Variants in PKNOX2 observed in about 807,000 individuals in gnomAD.
PKNOX2 encodes PBX/knotted 1 homeobox 2, also known as homeobox protein PKNOX2.
In PKNOX2, 14 loss-of-function variants were observed where a neutral mutation model predicts 53.1. The observed-to-expected ratio is 0.26, with a 90% CI of 0.17 to 0.41. The LOEUF is 0.41. Among genes scored for constraint, PKNOX2 ranks in the 10% least tolerant of loss-of-function variants. PKNOX2 has a pLI of 1.00. For missense variants in PKNOX2, 496 were observed against 602.8 expected (o/e 0.82, Z 1.85); for synonymous variants, 257 against 242.8 (o/e 1.06, Z -0.54).
chr11:125,307,266 T>C (rs1255412370), intron 2 of PKNOX2, among the ~76,000 whole-genome samples: 1 of 152,152 alleles, frequency 6.6e-6, no homozygotes, highest in African/African-American at 2.4e-5. Flanking sequence ...GACCAGAAGA[T>C]GGACAGGACT....
Position 125,189,447 on chromosome 11 carries a change from GTATATATATATATA to G in PKNOX2, c.-201+24702_-201+24715del, listed in dbSNP as rs58968290. On this transcript the variant is annotated intron_variant, in intron 1 of 12. Coordinates refer to ENST00000298282, the MANE Select transcript of PKNOX2 (RefSeq NM_001382323.2). ...TGTGTGTGTGTGTGTGTGTGTGTGTGTATATATATATATATATATATATATATATATATATATAT... is the reference window on the plus strand; with the variant it reads ...TGTGTGTGTGTGTGTGTGTGTGTGTGTATATATATATATATATATATATAT... Among the ~76,000 whole-genome samples, 228 of 23,452 alleles carry G rather than the reference GTATATATATATATA, an allele frequency of 9.7e-3. 2 individuals carry two copies. The highest frequency in any genetic ancestry group is 0.023 in the African/African-American group (149 of 6,370). 15.4% of individuals were successfully genotyped at this position (23,452 alleles called of 152,430 possible). A position where few individuals can be genotyped will look rare whatever the true frequency, so the allele number is the denominator to read the frequency against.
intron 10 of PKNOX2, among the ~76,000 whole-genome samples, chr11:125,427,753 G>A (rs1956500670): frequency 6.6e-6 from 1 of 152,054 alleles, no homozygotes; most frequent in Non-Finnish European, 1.5e-5. Flanking sequence ...ATGCTGGATG[G>A]CTTGATCTTC....
At chr11:125,400,345 C>T (rs1279338548) in intron 7 of PKNOX2, among the ~76,000 whole-genome samples, 1 of 152,200 alleles carries the variant, frequency 6.6e-6, no homozygotes, top group Non-Finnish European at 1.5e-5. Flanking sequence ...AGCTTCCTAA[C>T]CTGCTCTCCT....
chr11:125,221,370 G>A (rs1208402122), intron 1 of PKNOX2, among the ~76,000 whole-genome samples: 1 of 152,110 alleles, frequency 6.6e-6, no homozygotes, highest in East Asian at 1.9e-4. Flanking sequence ...GAAGTGTGTG[G>A]CATCCATGTG....
chr11:125,265,901 G>A lies in PKNOX2; in HGVS notation c.-130+30786G>A, dbSNP rs143568865. ...TCAGAGTAGTCACACCTCACATTCC[G>A]CAACCCTCAAACTTCCCAAAGGCCC... On this transcript the variant is annotated intron_variant, in intron 2 of 12. Coordinates refer to ENST00000298282, the MANE Select transcript of PKNOX2 (RefSeq NM_001382323.2). Among the ~76,000 whole-genome samples, 636 of 152,104 alleles carry A rather than the reference G, an allele frequency of 4.2e-3. 4 individuals carry two copies. The highest frequency in any genetic ancestry group is 0.014 in the African/African-American group (580 of 41,488).
chr11:125,282,511 T>C (rs935362071), intron 2 of PKNOX2, among the ~76,000 whole-genome samples: 9 of 152,194 alleles, frequency 5.9e-5, no homozygotes, highest in African/African-American at 1.7e-4. Context: ...GGGTTTCTGA[T>C]TCAATAGGTC....
intron 2 of PKNOX2, among the ~76,000 whole-genome samples, chr11:125,301,697 T>G (rs1207700451): frequency 6.6e-6 from 1 of 151,846 alleles, no homozygotes; most frequent in African/African-American, 2.4e-5. Context: ...AAATAAAAAA[T>G]AAAAAAGAAC....
At chr11:125,203,229 C>T (rs893974) in intron 1 of PKNOX2, among the ~76,000 whole-genome samples, 4 of 152,152 alleles carry the variant, frequency 2.6e-5, no homozygotes, top group East Asian at 1.9e-4. Flanking sequence ...GCAATCCTCC[C>T]GCCTCAGACT....
intron 3 of PKNOX2, among the ~76,000 whole-genome samples, chr11:125,346,934 G>A (rs956920648): frequency 9.2e-5 from 14 of 152,186 alleles, no homozygotes; most frequent in South Asian, 4.1e-4. Context: ...GATGAACGGG[G>A]CTCTGGGCCT....
intron 2 of PKNOX2, among the ~76,000 whole-genome samples, chr11:125,243,623 CT>C (rs1284507032): frequency 0.025 from 3,402 of 138,350 alleles, 106 homozygotes; most frequent in African/African-American, 0.075. Flanking sequence ...CTGGGACTTT[CT>C]TTTTTTTTTT....
intron 2 of PKNOX2, among the ~76,000 whole-genome samples, chr11:125,288,599 C>T (rs932753554): frequency 2.6e-5 from 4 of 152,200 alleles, no homozygotes; most frequent in Non-Finnish European, 5.9e-5. Context: ...TTATGTCTGC[C>T]TTTCCAATTT....
chr11:125,166,192 C>A lies in PKNOX2; in HGVS notation c.-201+1416C>A, dbSNP rs1954863742. Among the ~76,000 whole-genome samples the A allele has an allele frequency of 1.3e-5, 2 of 151,928 alleles. No individual in the cohort carries two copies. The highest frequency in any genetic ancestry group is 2.9e-5 in the Non-Finnish European group (2 of 67,998). ...AGTTGGGGGCTGGAGGAACGGGTGG[C>A]GTTTTTAGGATTCAGTAACAGGATC... On this transcript the variant is annotated intron_variant, in intron 1 of 12. Coordinates refer to ENST00000298282, the MANE Select transcript of PKNOX2 (RefSeq NM_001382323.2). The surrounding 1 kb of genome is among the most constrained non-coding windows in gnomAD (Gnocchi z 4.0).
chr11:125,297,633 T>G lies in PKNOX2; in HGVS notation c.-129-34186T>G, dbSNP rs1039558281. 2.6e-5 allele frequency among the ~76,000 whole-genome samples: 4 copies of G among 152,288 alleles called. No individual in the cohort carries two copies. In the East Asian group the frequency reaches 5.8e-4, roughly 22 times the overall value. On this transcript the variant is annotated intron_variant, in intron 2 of 12. Coordinates refer to ENST00000298282, the MANE Select transcript of PKNOX2 (RefSeq NM_001382323.2). ...ATGAAGACTAAGCTCTCGTACCTGG[T>G]GTATGGGTCCTCCACCTTCCTCACC...
chr11:125,213,733 C>T (rs898813363), intron 1 of PKNOX2, among the ~76,000 whole-genome samples: 21 of 152,154 alleles, frequency 1.4e-4, no homozygotes, highest in Admixed American at 9.8e-4. Context: ...GCTGGGATTA[C>T]AGGCGTGAGC....
chr11:125,200,577 A>C (rs1938320791), intron 1 of PKNOX2, among the ~76,000 whole-genome samples: 1 of 152,124 alleles, frequency 6.6e-6, no homozygotes, highest in Non-Finnish European at 1.5e-5. Context: ...GGCTCATTGC[A>C]GTGCCTCCCG....
chr11:125,265,132 C>CA (rs1945214476), intron 2 of PKNOX2, among the ~76,000 whole-genome samples: 1 of 151,962 alleles, frequency 6.6e-6, no homozygotes. Flanking sequence ...ACTAAAAATA[C>CA]AAAAATTAGC....
At chr11:125,207,243 C>G (rs1383797261) in intron 1 of PKNOX2, among the ~76,000 whole-genome samples, 1 of 152,060 alleles carries the variant, frequency 6.6e-6, no homozygotes, top group South Asian at 2.1e-4. Context: ...TTCCTTTCCT[C>G]CCTTCTTTGT....
intron 2 of PKNOX2, among the ~76,000 whole-genome samples, chr11:125,241,592 C>A (rs962935071): frequency 6.6e-6 from 1 of 152,224 alleles, no homozygotes; most frequent in Non-Finnish European, 1.5e-5. Context: ...CGCGGTGGCT[C>A]ACGCCTGTAA....
intron 8 of PKNOX2, 129 bp downstream of exon 8, chr11:125,410,454 A>G (rs1231567362): frequency 1.5e-6 from 2 of 1,303,838 alleles, no homozygotes. Flanking sequence ...TTTCTTGACT[A>G]AAGTTTTCTG....
Sources: allele counts gnomAD v4.1 joint callset (sites outside exome capture counted in the v4.1 genomes callset), GRCh38; gene constraint gnomAD v4.1.1; non-coding constraint Gnocchi (gnomAD v3.1); transcripts MANE v1.5; gene names NCBI Gene and HGNC (gene_info 2026-07-23, HGNC 2026-07-21).